DNMBP: variants seen among roughly 807,000 people sequenced by gnomAD.
DNMBP encodes the protein dynamin-binding protein.
In DNMBP, 87 loss-of-function variants were observed where a neutral mutation model predicts 150.0. The ratio of observed to expected loss-of-function variants is 0.58; its 90% CI spans 0.49 to 0.69. The LOEUF (loss-of-function observed/expected upper bound fraction) is 0.69. Among genes scored for constraint, DNMBP ranks in the 30% least tolerant of loss-of-function variants. DNMBP has a pLI of 0.00. For missense variants in DNMBP, 1,774 were observed against 1,949.0 expected (o/e 0.91, Z 1.69); for synonymous variants, 711 against 750.4 (o/e 0.95, Z 0.86).
intron 4 of DNMBP, among the ~76,000 whole-genome samples, chr10:99,920,728 T>G (rs2040013925): frequency 6.6e-6 from 1 of 152,172 alleles, no homozygotes; most frequent in South Asian, 2.1e-4. Flanking sequence ...AGAGTCTCGC[T>G]GTTGCCCAGG....
chr10:99,977,287 T>C (rs1319136805), intron 1 of DNMBP, among the ~76,000 whole-genome samples: 1 of 152,210 alleles, frequency 6.6e-6, no homozygotes, highest in East Asian at 1.9e-4. Flanking sequence ...CTCTGCCCTG[T>C]ATACCCTATG....
intron 4 of DNMBP, chr10:99,913,890 C>A (rs1482202265): frequency 1.6e-6 from 2 of 1,274,886 alleles, no homozygotes; most frequent in African/African-American, 1.5e-5. Context: ...TGCCCTTGAA[C>A]AGGGACGAAG....
intron 1 of DNMBP, among the ~76,000 whole-genome samples, chr10:99,972,660 G>A (rs1589445318): frequency 6.6e-6 from 1 of 152,212 alleles, no homozygotes; most frequent in East Asian, 1.9e-4. Context: ...ACCCAGGCTG[G>A]AGTGCAGTGG....
intron 9 of DNMBP, 182 bp from the exon 10 acceptor site, chr10:99,896,579 G>C: frequency 3.3e-6 from 2 of 606,102 alleles, no homozygotes; most frequent in South Asian, 4.3e-5. Context: ...AGAGACAATG[G>C]GCAGCCAGGA....
intron 4 of DNMBP, among the ~76,000 whole-genome samples, chr10:99,917,980 AAAAAAAAAAAG>A (rs2133261518): frequency 8.2e-6 from 1 of 122,654 alleles, no homozygotes; most frequent in African/African-American, 3.0e-5. Flanking sequence ...AAAAAAAAAA[AAAAAAAAAAAG>A]AAAAGAAAGG....
chr10:99,965,634 A>G (rs2040612836), intron 3 of DNMBP, among the ~76,000 whole-genome samples: 1 of 152,008 alleles, frequency 6.6e-6, no homozygotes, highest in Non-Finnish European at 1.5e-5. Flanking sequence ...AGTAGCTGCA[A>G]TTACAGGTAT....
intron 4 of DNMBP, among the ~76,000 whole-genome samples, chr10:99,941,468 C>T (rs1760617849): frequency 6.6e-6 from 1 of 151,606 alleles, no homozygotes; most frequent in Non-Finnish European, 1.5e-5. Context: ...TGACTCTTCT[C>T]AATTTTTTTT....
chr10:99,942,369 T>A (rs957398835), intron 4 of DNMBP, among the ~76,000 whole-genome samples: 2 of 152,216 alleles, frequency 1.3e-5, no homozygotes, highest in African/African-American at 2.4e-5. Flanking sequence ...CTGCCTGGAA[T>A]ACAGTGGGAG....
chr10:100,001,233 TAAAAAAAAAAAAAAAAAAAAAAAAAAAA>T (rs71009800), intron 1 of DNMBP, among the ~76,000 whole-genome samples: 1 of 21,732 alleles, frequency 4.6e-5, no homozygotes, highest in South Asian at 1.8e-3. Flanking sequence ...TCCGTCTCAT[TAAAAAAAAAAAAAAAAAAAAAAAAAAAA>T]AAAAAAAAAA....
intron 16 of DNMBP, among the ~76,000 whole-genome samples, chr10:99,878,682 T>C (rs1015667983): frequency 5.3e-5 from 8 of 152,154 alleles, no homozygotes; most frequent in African/African-American, 1.2e-4. Context: ...GGCCTTCCCA[T>C]GAGGGCAAAT....
intron 4 of DNMBP, 132 bp from the exon 5 acceptor site, chr10:99,909,278 G>A (rs1037815748): frequency 4.3e-5 from 30 of 690,716 alleles, no homozygotes; most frequent in African/African-American, 3.8e-4. Context: ...AAATCAGATC[G>A]CACATGTCAG....
At chr10:99,920,377 A>G (rs903430578) in intron 4 of DNMBP, among the ~76,000 whole-genome samples, 4 of 151,424 alleles carry the variant, frequency 2.6e-5, no homozygotes, top group Non-Finnish European at 4.4e-5. Context: ...GCCCAGCCCT[A>G]TATTTCCAAT....
chr10:99,908,939 C>CT lies in DNMBP; in HGVS notation c.2454+13dup. 6.2e-7 allele frequency: 1 copy of CT among 1,607,994 alleles called. No homozygotes were observed. The highest frequency in any genetic ancestry group is 8.5e-7 in the Non-Finnish European group (1 of 1,176,340). On this transcript the variant is annotated intron_variant, in intron 5 of 16. Transcript: ENST00000324109. ...ATATTCAAGGTCAAACTAACTCTGT[C>CT]TCCCAGTTCCCACCTGTGCCTGCTG...
At chr10:99,924,890 G>A (rs930356640) in intron 4 of DNMBP, among the ~76,000 whole-genome samples, 8 of 152,204 alleles carry the variant, frequency 5.3e-5, no homozygotes, top group Admixed American at 1.3e-4. Context: ...CAAAACAGAA[G>A]ATTTTCCTGC....
intron 4 of DNMBP, among the ~76,000 whole-genome samples, chr10:99,935,531 C>A (rs1211757730): frequency 6.6e-6 from 1 of 152,130 alleles, no homozygotes; most frequent in Non-Finnish European, 1.5e-5. Flanking sequence ...AGACTACAGG[C>A]AATAGCCACC....
chr10:99,935,542 T>C (rs2040220272), intron 4 of DNMBP, among the ~76,000 whole-genome samples: 1 of 152,082 alleles, frequency 6.6e-6, no homozygotes, highest in Admixed American at 6.6e-5. Flanking sequence ...AATAGCCACC[T>C]TGCCTGAGTA....
At chr10:99,879,090 A>AAAAAAAAAAAC (rs2039321649) in intron 16 of DNMBP, among the ~76,000 whole-genome samples, 2 of 150,044 alleles carry the variant, frequency 1.3e-5, no homozygotes, top group South Asian at 2.1e-4. Context: ...GTCTCAAAAA[A>AAAAAAAAAAAC]AAAAAAAAAA....
chr10:99,966,322 T>C (rs1170952639), intron 3 of DNMBP, among the ~76,000 whole-genome samples: 1 of 152,244 alleles, frequency 6.6e-6, no homozygotes, highest in African/African-American at 2.4e-5. Flanking sequence ...TGTATCCCCC[T>C]GCCCACATCC....
chr10:99,951,358 A>C (rs192755428), intron 4 of DNMBP, among the ~76,000 whole-genome samples: 1 of 152,214 alleles, frequency 6.6e-6, no homozygotes, highest in Non-Finnish European at 1.5e-5. Flanking sequence ...CAGAGTCCCT[A>C]CTGGGGCACC....
Sources: gnomAD v4.1 joint callset for allele counts (sites outside exome capture counted in the v4.1 genomes callset) on GRCh38, gnomAD v4.1.1 for gene constraint, MANE v1.5 for transcripts, NCBI Gene and HGNC (gene_info 2026-07-23, HGNC 2026-07-21) for gene names.